Variants in PID1 observed in about 807,000 individuals in gnomAD.
The protein encoded by PID1 is phosphotyrosine interaction domain containing 1.
Under a neutral mutation model 19.1 loss-of-function variants are expected in PID1, and 10 were observed. The observed-to-expected ratio is 0.52, with a 90% CI of 0.32 to 0.89. The LOEUF is 0.89. Ranked by LOEUF, PID1 falls within the 40% of genes least tolerant of loss-of-function variation. The pLI is 0.03. For synonymous variants in PID1, 130 were observed against 116.0 expected (o/e 1.12, Z -0.78); for missense variants, 248 against 285.3 (o/e 0.87, Z 0.94).
chr2:229,255,447 T>C (rs1690268629), intron 1 of PID1, among the ~76,000 whole-genome samples: 1 of 152,222 alleles, frequency 6.6e-6, no homozygotes. Flanking sequence ...ACGGAGATTC[T>C]CTAAATAGAG....
intron 1 of PID1, among the ~76,000 whole-genome samples, chr2:229,204,055 T>C (rs141006469): frequency 1.3e-5 from 2 of 152,134 alleles, no homozygotes; most frequent in South Asian, 2.1e-4. Context: ...AGCTGAAAAT[T>C]TGGCAAACTA....
At chr2:229,085,811 C>A (rs372183282) in intron 2 of PID1, among the ~76,000 whole-genome samples, 1 of 152,062 alleles carries the variant, frequency 6.6e-6, no homozygotes, top group African/African-American at 2.4e-5. Context: ...TAATATTAAT[C>A]CACATGATAC....
rs185001290 is a variant in PID1, at chr2:229,072,583, G to A, written c.178-46475C>T. On this transcript the variant is annotated intron_variant, in intron 2 of 2. Transcript: ENST00000392055. ...AGCCTGGGCGACAGAGTGAGACTCC[G>A]TCTCAAAAAAGAAAAAAAAAAAAAA... Among the ~76,000 whole-genome samples, 343 of 140,488 alleles carry A rather than the reference G, an allele frequency of 2.4e-3. 1 individual carries two copies. Among genetic ancestry groups the A allele is most frequent in the African/African-American group, 8.3e-3 (307 of 36,960 alleles). 92.2% of individuals were successfully genotyped at this position (140,488 alleles called of 152,430 possible).
chr2:229,084,117 A>G (rs1314453262), intron 2 of PID1, among the ~76,000 whole-genome samples: 7 of 152,278 alleles, frequency 4.6e-5, no homozygotes, highest in African/African-American at 1.4e-4. Context: ...CACAGTGTTT[A>G]TTACTGTGGT....
intron 1 of PID1, among the ~76,000 whole-genome samples, chr2:229,162,262 G>A (rs765553582): frequency 5.9e-5 from 9 of 152,178 alleles, no homozygotes; most frequent in Non-Finnish European, 8.8e-5. Context: ...TACAGTTGGC[G>A]CTGCTTCCTA....
rs1690726284 is a variant in PID1 at position 229,271,092 on chromosome 2, C to T, written c.-49G>A. ...AGGAGACGCTGGCGAGACTGTCGAT[C>T]GCGCCGGGGGGCGAGGGGCTGGGGT... is the stretch of plus-strand genomic sequence containing the variant. On this transcript the variant is annotated 5_prime_UTR_variant, in exon 1 of 3. Coordinates refer to ENST00000392055, the MANE Select transcript of PID1 (RefSeq NM_001100818.2). 6.5e-7 allele frequency: 1 copy of T among 1,535,278 alleles called. No individual in the cohort carries two copies.
At chr2:229,073,619 G>A (rs989874113) in intron 2 of PID1, among the ~76,000 whole-genome samples, 1 of 152,092 alleles carries the variant, frequency 6.6e-6, no homozygotes, top group Non-Finnish European at 1.5e-5. Flanking sequence ...TATTCAGTAG[G>A]AAGTACAGAC....
chr2:229,075,166 T>G (rs1249946718), intron 2 of PID1, among the ~76,000 whole-genome samples: 1 of 152,196 alleles, frequency 6.6e-6, no homozygotes, highest in Non-Finnish European at 1.5e-5. Context: ...TATTGAATAT[T>G]TCATGTACGA....
intron 2 of PID1, among the ~76,000 whole-genome samples, chr2:229,123,149 C>T (rs1191944242): frequency 2.6e-5 from 4 of 151,910 alleles, no homozygotes; most frequent in Admixed American, 6.6e-5. Flanking sequence ...AAAAAAAACT[C>T]GTTATCTATT....
chr2:229,246,824 C>A (rs752081610), intron 1 of PID1, among the ~76,000 whole-genome samples: 26 of 152,130 alleles, frequency 1.7e-4, no homozygotes, highest in Non-Finnish European at 3.4e-4. Context: ...CTGGGTTGGT[C>A]AGCACAAGAA....
At position 229,150,174 on chromosome 2, in the gene PID1, T is replaced by G. The variant is rs548841852; in HGVS notation, c.177+5644A>C. ...GCTTGAACCTGGGAGGTGGAAAGGT[T>G]GCAGTGAGCTGACATCACACCACTG... On this transcript the variant is annotated intron_variant, in intron 2 of 2. Coordinates refer to ENST00000392055, the MANE Select transcript of PID1 (RefSeq NM_001100818.2). Among the ~76,000 whole-genome samples the G allele has an allele frequency of 2.0e-5, 3 of 148,788 alleles. No individual in the cohort carries two copies. The South Asian group carries it at 6.4e-4, about 32-fold the overall frequency.
intron 2 of PID1, among the ~76,000 whole-genome samples, chr2:229,038,457 A>C (rs1342837874): frequency 6.6e-6 from 1 of 152,200 alleles, no homozygotes; most frequent in Non-Finnish European, 1.5e-5. Flanking sequence ...ATATGATTCT[A>C]TTTATATATA....
At chr2:229,062,318 G>A (rs1360748511) in intron 2 of PID1, among the ~76,000 whole-genome samples, 1 of 151,820 alleles carries the variant, frequency 6.6e-6, no homozygotes, top group Non-Finnish European at 1.5e-5. Context: ...TTTGTCAAAT[G>A]GTTTTTCTGC....
At chr2:229,046,980 C>T (rs77340890) in intron 2 of PID1, among the ~76,000 whole-genome samples, 3,822 of 152,264 alleles carry the variant, frequency 0.025, 80 homozygotes, top group South Asian at 0.048. Context: ...GATCTCCTAC[C>T]ATCTTGATAG....
intron 2 of PID1, among the ~76,000 whole-genome samples, chr2:229,045,290 T>C (rs1278708157): frequency 6.6e-6 from 1 of 152,228 alleles, no homozygotes; most frequent in East Asian, 1.9e-4. Context: ...TTTATTTTTC[T>C]TTTGGATGTT....
At chr2:229,060,335 C>A (rs887305959) in intron 2 of PID1, among the ~76,000 whole-genome samples, 1 of 152,066 alleles carries the variant, frequency 6.6e-6, no homozygotes, top group Non-Finnish European at 1.5e-5. Context: ...GAGATCAACT[C>A]TTTTAGATTC....
intron 1 of PID1, among the ~76,000 whole-genome samples, chr2:229,234,777 T>C (rs893986969): frequency 6.6e-6 from 1 of 152,140 alleles, no homozygotes; most frequent in African/African-American, 2.4e-5. Flanking sequence ...AAGTAAGTAG[T>C]AGGTAAGTCT....
chr2:229,251,997 C>T (rs570125166), intron 1 of PID1, among the ~76,000 whole-genome samples: 1 of 106,932 alleles, frequency 9.4e-6, no homozygotes, highest in East Asian at 2.9e-4. Context: ...AAAAAAAACA[C>T]ACAAAGAATG....
intron 2 of PID1, among the ~76,000 whole-genome samples, chr2:229,039,754 C>T (rs1333460010): frequency 6.6e-6 from 1 of 152,154 alleles, no homozygotes; most frequent in Non-Finnish European, 1.5e-5. Flanking sequence ...GGCCCATGTT[C>T]TGTTAGCAAG....
Sources: gnomAD v4.1 joint callset for allele counts (sites outside exome capture counted in the v4.1 genomes callset) on GRCh38, gnomAD v4.1.1 for gene constraint, MANE v1.5 for transcripts, NCBI Gene and HGNC (gene_info 2026-07-23, HGNC 2026-07-21) for gene names.